The following SMAP1 variants were observed in gnomAD, a reference collection of about 807,000 sequenced individuals.
SMAP1 encodes the protein small ArfGAP 1.
Under a neutral mutation model 58.5 loss-of-function variants are expected in SMAP1, and 24 were observed. The ratio of observed to expected loss-of-function variants is 0.41; its 90% CI spans 0.30 to 0.58. The LOEUF (loss-of-function observed/expected upper bound fraction) is 0.58, where lower values mean the gene tolerates loss of function less well. SMAP1 is among the 20% of genes least tolerant of loss of function. The probability of loss-of-function intolerance (pLI) is 0.29; values close to 1 mark genes in which losing one functional copy is unlikely to be tolerated. For synonymous variants in SMAP1, 216 were observed against 196.6 expected (o/e 1.10, Z -0.82); for missense variants, 563 against 566.3 (o/e 0.99, Z 0.06).
intron 6 of SMAP1, among the ~76,000 whole-genome samples, chr6:70,813,831 C>G (rs1038764637): frequency 6.6e-6 from 1 of 151,982 alleles, no homozygotes; most frequent in African/African-American, 2.4e-5. Context: ...CTATGTTGCA[C>G]AATAAAAAAT....
At chr6:70,700,405 T>A (rs566154534) in intron 1 of SMAP1, among the ~76,000 whole-genome samples, 77 of 152,300 alleles carry the variant, frequency 5.1e-4, no homozygotes, top group African/African-American at 1.6e-3. Context: ...TTCAAGCGAT[T>A]CTTGTGCCTC....
intron 6 of SMAP1, among the ~76,000 whole-genome samples, chr6:70,827,839 T>C (rs1043599699): frequency 4.6e-5 from 7 of 152,132 alleles, no homozygotes; most frequent in Non-Finnish European, 7.4e-5. Flanking sequence ...GTCCATATGA[T>C]TGGGGAAATA....
intron 6 of SMAP1, among the ~76,000 whole-genome samples, chr6:70,818,805 A>G (rs148495259): frequency 6.6e-6 from 1 of 152,346 alleles, no homozygotes; most frequent in East Asian, 1.9e-4. Context: ...GAACTGTGCT[A>G]GTAACGTTTC....
chr6:70,774,042 C>G (rs984155254), intron 4 of SMAP1, among the ~76,000 whole-genome samples: 2 of 152,076 alleles, frequency 1.3e-5, no homozygotes, highest in African/African-American at 4.8e-5. Flanking sequence ...AGATACTTAC[C>G]ATTGTGTTAG....
intron 6 of SMAP1, among the ~76,000 whole-genome samples, chr6:70,804,378 A>G (rs920919952): frequency 4.0e-5 from 6 of 148,480 alleles, no homozygotes; most frequent in African/African-American, 1.0e-4. Flanking sequence ...TTTTGAGCCT[A>G]TGTGTGTCTC....
At chr6:70,691,835 C>T (rs1225910678) in intron 1 of SMAP1, among the ~76,000 whole-genome samples, 3 of 152,168 alleles carry the variant, frequency 2.0e-5, no homozygotes, top group Non-Finnish European at 4.4e-5. Context: ...TGTATATGTA[C>T]CACGTTGTCT....
In SMAP1 at chr6:70,860,927, T is replaced by C. The variant is rs1166204591; in HGVS notation, c.*593T>C. The stretch of plus-strand genomic sequence containing the variant: ...TCCAAAACTTCGTTTAATGAATGCT[T>C]AAAGAATTCAAATTTTATCTGCCTC... On this transcript the variant is annotated 3_prime_UTR_variant, in exon 11 of 11. Coordinates refer to ENST00000370455, the MANE Select transcript of SMAP1 (RefSeq NM_001044305.3). 4 of 378,686 alleles carry C rather than the reference T, an allele frequency of 1.1e-5. No individual in the cohort carries two copies. In the East Asian group the frequency reaches 1.5e-4, roughly 14 times the overall value. 23.5% of individuals were successfully genotyped at this position (378,686 alleles called of 1,614,324 possible). A position where few individuals can be genotyped will look rare whatever the true frequency, so the allele number is the denominator to read the frequency against.
At chr6:70,857,171 G>A (rs982335768) in intron 9 of SMAP1, 141 bp downstream of exon 9, 19 of 740,532 alleles carry the variant, frequency 2.6e-5, no homozygotes, top group African/African-American at 7.1e-5. Context: ...CTATGAAGCC[G>A]AAATGAATGA....
chr6:70,836,936 T>C lies in SMAP1; in HGVS notation c.577-5T>C, dbSNP rs1375631976. ...AATTAATAAATCCAATTATTTACTT[T>C]AAAGCTGCAGAAGAAAGATCAGCAA... On this transcript the variant is annotated splice_polypyrimidine_tract_variant and splice_region_variant and intron_variant, in intron 6 of 10. Coordinates refer to ENST00000370455, the MANE Select transcript of SMAP1 (RefSeq NM_001044305.3). 1 of 1,567,866 alleles carries C rather than the reference T, an allele frequency of 6.4e-7. No individual in the cohort carries two copies.
chr6:70,814,819 C>T (rs1006110708), intron 6 of SMAP1, among the ~76,000 whole-genome samples: 1 of 152,096 alleles, frequency 6.6e-6, no homozygotes, highest in Admixed American at 6.6e-5. Flanking sequence ...ATGTTACCAC[C>T]GTTTTACATT....
chr6:70,704,816 C>T (rs748221853), intron 1 of SMAP1, among the ~76,000 whole-genome samples: 1 of 152,152 alleles, frequency 6.6e-6, no homozygotes, highest in Non-Finnish European at 1.5e-5. Flanking sequence ...TTTTAGCCAT[C>T]AGTTTCTGCT....
At chr6:70,712,750 T>A (rs1768103176) in intron 1 of SMAP1, among the ~76,000 whole-genome samples, 2 of 151,406 alleles carry the variant, frequency 1.3e-5, no homozygotes, top group African/African-American at 4.8e-5. Context: ...AGTTCCTTAT[T>A]TTTTTTTATT....
At chr6:70,725,021 TG>T (rs1768704286) in intron 1 of SMAP1, among the ~76,000 whole-genome samples, 1 of 150,702 alleles carries the variant, frequency 6.6e-6, no homozygotes, top group African/African-American at 2.4e-5. Context: ...AATATGGTAG[TG>T]TCTGAGTCAG....
chr6:70,792,459 T>C (rs1231037128), intron 5 of SMAP1, among the ~76,000 whole-genome samples: 3 of 151,682 alleles, frequency 2.0e-5, no homozygotes, highest in South Asian at 2.1e-4. Flanking sequence ...AGGCAAGATA[T>C]AGCCCCTGCC....
chr6:70,783,126 T>A lies in SMAP1; in HGVS notation c.415-8563T>A, dbSNP rs187596447. Among the ~76,000 whole-genome samples the A allele has an allele frequency of 5.8e-3, 881 of 152,240 alleles. 3 individuals carry two copies. The highest frequency in any genetic ancestry group is 9.4e-3 in the Non-Finnish European group (640 of 68,014). On this transcript the variant is annotated intron_variant, in intron 4 of 10. Coordinates refer to ENST00000370455, the MANE Select transcript of SMAP1 (RefSeq NM_001044305.3). Reference sequence around the variant, plus strand: ...ATCAGGCAGCAGCATTTGCGGTTCATGAAAATCCGCTGTTCTACAGCCACC... The same window carrying A: ...ATCAGGCAGCAGCATTTGCGGTTCAAGAAAATCCGCTGTTCTACAGCCACC...
At chr6:70,803,402 A>T (rs1320124245) in intron 6 of SMAP1, among the ~76,000 whole-genome samples, 3 of 151,882 alleles carry the variant, frequency 2.0e-5, no homozygotes, top group African/African-American at 7.3e-5. Context: ...CTTCTTTATT[A>T]GTCTTGCTAG....
chr6:70,683,263 C>T (rs1290324454), intron 1 of SMAP1, among the ~76,000 whole-genome samples: 2 of 150,500 alleles, frequency 1.3e-5, no homozygotes, highest in Non-Finnish European at 3.0e-5. Context: ...CTCCGCCTCC[C>T]GTGTTCAAGC....
intron 4 of SMAP1, among the ~76,000 whole-genome samples, chr6:70,782,778 G>A (rs1243542043): frequency 6.6e-6 from 1 of 152,174 alleles, no homozygotes; most frequent in Non-Finnish European, 1.5e-5. Context: ...GATTTGAAGA[G>A]AGGCCAACAA....
chr6:70,762,897 A>G (rs972619462), intron 3 of SMAP1, among the ~76,000 whole-genome samples: 12 of 151,962 alleles, frequency 7.9e-5, no homozygotes, highest in African/African-American at 2.7e-4. Flanking sequence ...AATATAAATT[A>G]AGATTTCACA....
Sources: gnomAD v4.1 joint callset for allele counts (sites outside exome capture counted in the v4.1 genomes callset) on GRCh38, gnomAD v4.1.1 for gene constraint, MANE v1.5 for transcripts, NCBI Gene and HGNC (gene_info 2026-07-23, HGNC 2026-07-21) for gene names.